The following ZEB1 variants were observed in gnomAD, a reference collection of about 807,000 sequenced individuals.
ZEB1 encodes the protein zinc finger E-box-binding homeobox 1.
In ZEB1, 21 loss-of-function variants were observed where a neutral mutation model predicts 84.9. That is an observed-to-expected ratio of 0.25 (90% CI 0.18 to 0.36). ZEB1 has a LOEUF of 0.36. ZEB1 is among the 10% of genes least tolerant of loss of function. The probability of loss-of-function intolerance (pLI) is 1.00; values close to 1 mark genes in which losing one functional copy is unlikely to be tolerated. For missense variants in ZEB1, 1,104 were observed against 1,330.2 expected, an observed-to-expected ratio of 0.83 and a Z score of 2.65; for synonymous variants, 420 against 471.1, an observed-to-expected ratio of 0.89 and a Z score of 1.41.
rs1459272235 is a variant in ZEB1, at chr10:31,448,242, G to A, written c.59-12795G>A. ...CTTCTGCATTCTTCACGTAGTTCTC[G>A]AGCCTTGGTTTTCAGCTCCATCAGC... On this transcript the variant is annotated intron_variant, in intron 1 of 8. Coordinates refer to ENST00000424869, the MANE Select transcript of ZEB1 (RefSeq NM_001174096.2). 1.5e-3 allele frequency among the ~76,000 whole-genome samples: 192 copies of A among 128,174 alleles called. 1 individual carries two copies. Among genetic ancestry groups the A allele is most frequent in the African/African-American group, 3.1e-3 (95 of 30,400 alleles). The allele number at this position is 128,174 out of a possible 152,430, so 84.1% of individuals were successfully genotyped here. A position where few individuals can be genotyped will look rare whatever the true frequency, so the allele number is the denominator to read the frequency against.
chr10:31,417,236 C>T (rs1245090662), intron 1 of ZEB1, among the ~76,000 whole-genome samples: 1 of 152,138 alleles, frequency 6.6e-6, no homozygotes, highest in African/African-American at 2.4e-5. Context: ...ATGCCAGTCT[C>T]CTTATGGTAA....
At position 31,452,348 on chromosome 10, in the gene ZEB1, CAGTA is replaced by C. The variant is rs542086493; in HGVS notation, c.59-8686_59-8683del. Among the ~76,000 whole-genome samples, 1,393 of 151,948 alleles carry C rather than the reference CAGTA, an allele frequency of 9.2e-3. 13 individuals are homozygous for C. The highest frequency in any genetic ancestry group is 0.031 in the African/African-American group (1,301 of 41,436). Reference sequence around the variant, plus strand: ...CATTATACAGTAAAATATATATAGACAGTAAGCTAACATTATCAGTTCGGTCAAA... The same window carrying C: ...CATTATACAGTAAAATATATATAGACAGCTAACATTATCAGTTCGGTCAAA... On this transcript the variant is annotated intron_variant, in intron 1 of 8. Transcript: ENST00000424869.
intron 2 of ZEB1, among the ~76,000 whole-genome samples, chr10:31,480,739 C>A (rs2064938865): frequency 6.6e-6 from 1 of 151,938 alleles, no homozygotes; most frequent in African/African-American, 2.4e-5. Context: ...TTTAAAAAAC[C>A]AATCAAACAA....
chr10:31,321,430 G>A (rs1241818152), intron 1 of ZEB1: 2 of 1,613,104 alleles, frequency 1.2e-6, no homozygotes, highest in Non-Finnish European at 1.7e-6. Flanking sequence ...ATAGCAAGGA[G>A]TGGAGCATAG....
chr10:31,397,729 G>A (rs927599409), intron 1 of ZEB1, among the ~76,000 whole-genome samples: 4 of 152,162 alleles, frequency 2.6e-5, no homozygotes, highest in African/African-American at 4.8e-5. Context: ...AAAAAGGATT[G>A]TAAGGGATTA....
chr10:31,523,801 T>TG, intron 7 of ZEB1, 132 bp from the exon 8 acceptor site: 1 of 1,017,820 alleles, frequency 9.8e-7, no homozygotes. Flanking sequence ...AAGATCAGTG[T>TG]GCTTGCTTTG....
At chr10:31,498,686 A>G (rs2067647520) in intron 3 of ZEB1, among the ~76,000 whole-genome samples, 2 of 152,022 alleles carry the variant, frequency 1.3e-5, no homozygotes, top group South Asian at 4.1e-4. Flanking sequence ...AATTTCTGGC[A>G]GAGTAAAACA....
At chr10:31,436,935 T>TAAAGCAGAATAAAA (rs2058359788) in intron 1 of ZEB1, among the ~76,000 whole-genome samples, 2 of 152,226 alleles carry the variant, frequency 1.3e-5, no homozygotes, top group Non-Finnish European at 2.9e-5. Flanking sequence ...GTTTGCATGA[T>TAAAGCAGAATAAAA]CTTCTGCTTT....
At chr10:31,353,099 G>A (rs1004903845) in intron 1 of ZEB1, among the ~76,000 whole-genome samples, 1 of 152,204 alleles carries the variant, frequency 6.6e-6, no homozygotes, top group African/African-American at 2.4e-5. Flanking sequence ...ATCAGCCACT[G>A]TCTTCTCATC....
In ZEB1 at chr10:31,326,462, A is replaced by C. The variant is rs534409491; in HGVS notation, c.58+7170A>C. Among the ~76,000 whole-genome samples, 39 of 152,332 alleles carry C rather than the reference A, an allele frequency of 2.6e-4. No homozygotes were observed. The South Asian group carries it at 6.4e-3, about 25-fold the overall frequency. On this transcript the variant is annotated intron_variant, in intron 1 of 8. Coordinates refer to ENST00000424869, the MANE Select transcript of ZEB1 (RefSeq NM_001174096.2). ...GAAGGAGGAATTGGAGTAGACAAAA[A>C]ATAACTTTATATGAATAAATATTCA...
intron 3 of ZEB1, among the ~76,000 whole-genome samples, chr10:31,499,519 C>T (rs80076050): frequency 0.021 from 3,219 of 152,070 alleles, 54 homozygotes; most frequent in Middle Eastern, 0.061. Flanking sequence ...AGCATTTTTT[C>T]GTTTTTTGAA....
intron 2 of ZEB1, among the ~76,000 whole-genome samples, chr10:31,468,361 T>A (rs1359081494): frequency 6.6e-6 from 1 of 152,158 alleles, no homozygotes; most frequent in Non-Finnish European, 1.5e-5. Context: ...CCTGCCAGCA[T>A]CACCTACTGG....
chr10:31,478,650 C>T (rs2064609268), intron 2 of ZEB1, among the ~76,000 whole-genome samples: 1 of 151,840 alleles, frequency 6.6e-6, no homozygotes, highest in African/African-American at 2.4e-5. Flanking sequence ...TCCATATATA[C>T]CATGAAATAC....
At chr10:31,509,729 A>G (rs774091160) in intron 4 of ZEB1, among the ~76,000 whole-genome samples, 44 of 152,220 alleles carry the variant, frequency 2.9e-4, no homozygotes, top group Non-Finnish European at 5.0e-4. Context: ...TTGTTTTTCT[A>G]TAGTGAATTC....
chr10:31,502,239 A>C (rs1167548586), intron 3 of ZEB1, 109 bp from the exon 4 acceptor site: 3 of 1,106,872 alleles, frequency 2.7e-6, no homozygotes, highest in Middle Eastern at 5.5e-4. Context: ...TTTTCTGCAG[A>C]TTCAAGAACA....
intron 1 of ZEB1, among the ~76,000 whole-genome samples, chr10:31,378,376 CATAATT>C (rs1237372017): frequency 1.3e-5 from 2 of 151,346 alleles, no homozygotes; most frequent in South Asian, 2.1e-4. Flanking sequence ...CTAACATAGT[CATAATT>C]AGAATAATTT....
chr10:31,360,209 G>A (rs2042785798), intron 1 of ZEB1, among the ~76,000 whole-genome samples: 3 of 152,052 alleles, frequency 2.0e-5, no homozygotes, highest in South Asian at 4.1e-4. Flanking sequence ...TTTTTAACAT[G>A]GTACTTGGCA....
chr10:31,427,447 A>G (rs2057094736), intron 1 of ZEB1, among the ~76,000 whole-genome samples: 2 of 152,184 alleles, frequency 1.3e-5, no homozygotes, highest in Admixed American at 6.5e-5. Flanking sequence ...GGTTGATACC[A>G]GGGCTCAAAT....
intron 2 of ZEB1, 98 bp downstream of exon 2, chr10:31,461,335 A>G: frequency 1.5e-6 from 2 of 1,331,268 alleles, no homozygotes; most frequent in East Asian, 5.1e-5. Context: ...GTTTGAAATC[A>G]ATAGTAAATT....
Sources: allele counts gnomAD v4.1 joint callset (sites outside exome capture counted in the v4.1 genomes callset), GRCh38; gene constraint gnomAD v4.1.1; transcripts MANE v1.5; gene names NCBI Gene and HGNC (gene_info 2026-07-23, HGNC 2026-07-21).